Variants in NFYB observed in about 807,000 individuals in gnomAD.
NFYB encodes CAAT box DNA-binding protein subunit B.
Under a neutral mutation model 28.0 loss-of-function variants are expected in NFYB, and 13 were observed. The observed-to-expected ratio is 0.46, with a 90% confidence interval of 0.30 to 0.74. NFYB has a LOEUF of 0.74. Ranked by LOEUF, NFYB falls within the 30% of genes least tolerant of loss-of-function variation. NFYB has a pLI of 0.07. For missense variants in NFYB, 142 were observed against 247.6 expected (o/e 0.57, Z 2.86); for synonymous variants, 74 against 75.0 (o/e 0.99, Z 0.07).
At chr12:104,120,534 G>A (rs2030431974) in intron 6 of NFYB, 55 bp from the exon 7 acceptor site, 4 of 1,261,262 alleles carry the variant, frequency 3.2e-6, no homozygotes, top group South Asian at 1.2e-5. Flanking sequence ...ACTTTCTTGG[G>A]TTGTATCTTA....
chr12:104,127,831 A>C (rs924489543), intron 3 of NFYB, among the ~76,000 whole-genome samples: 1 of 151,768 alleles, frequency 6.6e-6, no homozygotes, highest in East Asian at 1.9e-4. Flanking sequence ...CTACAGGTAC[A>C]TGCCACCAAG....
At chr12:104,137,719 T>C (rs1202426016) in intron 1 of NFYB, 2 of 147,682 alleles carry the variant, frequency 1.4e-5, no homozygotes, top group Non-Finnish European at 3.0e-5. Context: ...CCGCCGGGGC[T>C]ACGGGGCCAG....
chr12:104,123,563 C>G (rs2030564859), intron 4 of NFYB, 140 bp from the exon 5 acceptor site: 1 of 662,218 alleles, frequency 1.5e-6, no homozygotes, highest in Non-Finnish European at 2.6e-6. Context: ...ATAACATTAA[C>G]ACAATGTGTG....
intron 2 of NFYB, among the ~76,000 whole-genome samples, chr12:104,130,400 A>C (rs1593634665): frequency 6.6e-6 from 1 of 152,150 alleles, no homozygotes; most frequent in East Asian, 1.9e-4. Flanking sequence ...GCATCTGTTG[A>C]CTGTGATGCC....
At chr12:104,123,502 CAGA>C (rs1263824581) in intron 4 of NFYB, 79 bp from the exon 5 acceptor site, 11 of 1,040,202 alleles carry the variant, frequency 1.1e-5, no homozygotes, top group Non-Finnish European at 1.5e-5. Context: ...AAAGCCTATT[CAGA>C]AGAACACATC....
In NFYB at chr12:104,120,554, C is replaced by A. The variant is rs143485821; in HGVS notation, c.512-75G>T. 267 of 985,430 alleles carry A rather than the reference C, an allele frequency of 2.7e-4. 2 individuals are homozygous for A. In the African/African-American group the frequency reaches 3.2e-3, roughly 12 times the overall value. 61.0% of individuals were successfully genotyped at this position (985,430 alleles called of 1,614,324 possible). A position where few individuals can be genotyped will look rare whatever the true frequency, so the allele number is the denominator to read the frequency against. ...CTTGGGTTGTATCTTAAGGTTGTAC[C>A]ATTAATGTCTCATTACAATTCTGCC... is the stretch of plus-strand genomic sequence containing the variant. On this transcript the variant is annotated intron_variant, in intron 6 of 7. Coordinates refer to ENST00000240055, the MANE Select transcript of NFYB (RefSeq NM_006166.4).
intron 5 of NFYB, among the ~76,000 whole-genome samples, chr12:104,122,358 T>C (rs1476023742): frequency 6.6e-6 from 1 of 152,140 alleles, no homozygotes; most frequent in Non-Finnish European, 1.5e-5. Flanking sequence ...TAGTTAGTAA[T>C]AAACAAAGGG....
chr12:104,136,001 CAA>C (rs775163583), intron 1 of NFYB, among the ~76,000 whole-genome samples: 3 of 151,936 alleles, frequency 2.0e-5, no homozygotes, highest in Non-Finnish European at 2.9e-5. Context: ...TTCTATAGCT[CAA>C]GAGGAGGAAA....
intron 3 of NFYB, among the ~76,000 whole-genome samples, chr12:104,127,663 C>CT (rs71069719): frequency 0.36 from 33,409 of 92,122 alleles, 8,576 homozygotes; most frequent in East Asian, 0.65. Context: ...ATAACACTGC[C>CT]TTTTTTTTTT....
At chr12:104,124,498 G>T (rs2030606885) in intron 4 of NFYB, among the ~76,000 whole-genome samples, 1 of 152,126 alleles carries the variant, frequency 6.6e-6, no homozygotes, top group Non-Finnish European at 1.5e-5. Flanking sequence ...AACAAGAACT[G>T]CATAAATGCA....
chr12:104,126,334 A>G lies in NFYB; in HGVS notation c.101-90T>C. 5 of 983,668 alleles carry G rather than the reference A, an allele frequency of 5.1e-6. No individual in the cohort carries two copies. The Middle Eastern group carries it at 1.2e-3, about 242-fold the overall frequency. The allele number at this position is 983,668 out of a possible 1,614,324, so 60.9% of individuals were successfully genotyped here. On this transcript the variant is annotated intron_variant, in intron 3 of 7. Coordinates refer to ENST00000240055, the MANE Select transcript of NFYB (RefSeq NM_006166.4). Reference sequence around the variant, plus strand: ...TACCAAAGTGATCCAGAATAAAATCATTCTGGTTCACCTCTTAACCATTAT... The same window carrying G: ...TACCAAAGTGATCCAGAATAAAATCGTTCTGGTTCACCTCTTAACCATTAT...
At chr12:104,132,758 C>T (rs1017486410) in intron 2 of NFYB, among the ~76,000 whole-genome samples, 2 of 152,114 alleles carry the variant, frequency 1.3e-5, no homozygotes, top group Non-Finnish European at 2.9e-5. Flanking sequence ...AGCTAATGAC[C>T]GTGAGTTTAC....
At chr12:104,121,498 T>A (rs921031079) in intron 5 of NFYB, among the ~76,000 whole-genome samples, 177 bp from the exon 6 acceptor site, 23 of 152,244 alleles carry the variant, frequency 1.5e-4, no homozygotes, top group African/African-American at 5.3e-4. Context: ...TAACTTTTAA[T>A]ATAAGCTGTA....
In NFYB at chr12:104,117,871, C is replaced by T. The variant is rs775226968; in HGVS notation, c.*1866G>A. 6.6e-6 allele frequency: 1 copy of T among 152,086 alleles called. No individual in the cohort carries two copies. The highest frequency in any genetic ancestry group is 1.5e-5 in the Non-Finnish European group (1 of 68,022). The allele number at this position is 152,086 out of a possible 1,614,324, so 9.4% of individuals were successfully genotyped here. A position where few individuals can be genotyped will look rare whatever the true frequency, so the allele number is the denominator to read the frequency against. Reference sequence around the variant, plus strand: ...AAATATCTCAAAAATACACTCATAACGAAGTATCAAAAGCCTTAAAATTTT... The same window carrying T: ...AAATATCTCAAAAATACACTCATAATGAAGTATCAAAAGCCTTAAAATTTT... On this transcript the variant is annotated 3_prime_UTR_variant, in exon 8 of 8. Coordinates refer to ENST00000240055, the MANE Select transcript of NFYB (RefSeq NM_006166.4).
At chr12:104,129,111 T>C (rs2136663213) in intron 2 of NFYB, among the ~76,000 whole-genome samples, 1 of 152,330 alleles carries the variant, frequency 6.6e-6, no homozygotes, top group Non-Finnish European at 1.5e-5. Flanking sequence ...TTTAAGTGCA[T>C]AATCTTCAAA....
rs555983315 is a variant in NFYB, at chr12:104,119,545, C to A, written c.*192G>T. 1 of 481,986 alleles carries A rather than the reference C, an allele frequency of 2.1e-6. No homozygotes were observed. The highest frequency in any genetic ancestry group is 1.9e-5 in the African/African-American group (1 of 52,132). The allele number at this position is 481,986 out of a possible 1,614,324, so 29.9% of individuals were successfully genotyped here. A position where few individuals can be genotyped will look rare whatever the true frequency, so the allele number is the denominator to read the frequency against. On this transcript the variant is annotated 3_prime_UTR_variant, in exon 8 of 8. Transcript: ENST00000240055. Reference sequence around the variant, plus strand: ...TAATACCTTTAAAATCCAAATTTTTCTTTAAAATCATTCATGAAAAAGATT... The same window carrying A: ...TAATACCTTTAAAATCCAAATTTTTATTTAAAATCATTCATGAAAAAGATT...
At chr12:104,135,075 C>T (rs1426972165) in intron 2 of NFYB, among the ~76,000 whole-genome samples, 1 of 152,208 alleles carries the variant, frequency 6.6e-6, no homozygotes, top group East Asian at 1.9e-4. Flanking sequence ...TGCAGGATCC[C>T]TCTGTGACAT....
At chr12:104,129,551 A>T (rs924153027) in intron 2 of NFYB, among the ~76,000 whole-genome samples, 21 of 151,976 alleles carry the variant, frequency 1.4e-4, no homozygotes, top group Admixed American at 9.2e-4. Flanking sequence ...GAACCCATAA[A>T]CTCCTGATTC....
chr12:104,129,746 C>T (rs1445078840), intron 2 of NFYB, among the ~76,000 whole-genome samples: 2 of 151,998 alleles, frequency 1.3e-5, no homozygotes, highest in South Asian at 2.1e-4. Context: ...ATTAGCCAGG[C>T]GTTGTGGCAT....
Sources: gnomAD v4.1 joint callset for allele counts (sites outside exome capture counted in the v4.1 genomes callset) on GRCh38, gnomAD v4.1.1 for gene constraint, MANE v1.5 for transcripts, NCBI Gene and HGNC (gene_info 2026-07-23, HGNC 2026-07-21) for gene names.